LMO4: variants seen among roughly 807,000 people sequenced by gnomAD.
LMO4 encodes LIM domain transcription factor LMO4.
LMO4 carries 3 observed loss-of-function variants against 18.5 expected under a neutral mutation model. That is an observed-to-expected ratio of 0.16 (90% confidence interval 0.07 to 0.42). LMO4 has a LOEUF of 0.42. LMO4 is among the 10% of genes least tolerant of loss of function. The pLI is 0.99. For synonymous variants in LMO4, 100 were observed against 88.1 expected (o/e 1.14, Z -0.76); for missense variants, 121 against 219.9 (o/e 0.55, Z 2.84).
At chr1:87,342,963 C>T (rs528243413) in intron 4 of LMO4, among the ~76,000 whole-genome samples, 3 of 152,166 alleles carry the variant, frequency 2.0e-5, no homozygotes, top group Non-Finnish European at 4.4e-5. Context: ...TTTCTCCTCT[C>T]TCGTTCTCCA....
At chr1:87,332,830 A>C (rs1650195386) in intron 2 of LMO4, among the ~76,000 whole-genome samples, 1 of 152,246 alleles carries the variant, frequency 6.6e-6, no homozygotes, top group Non-Finnish European at 1.5e-5. Flanking sequence ...TATAGAGAAA[A>C]AAAAAGTCCC....
intron 4 of LMO4, among the ~76,000 whole-genome samples, chr1:87,340,415 T>C (rs1369456441): frequency 2.0e-5 from 3 of 152,238 alleles, no homozygotes; most frequent in Non-Finnish European, 4.4e-5. Context: ...GACTTTGTTA[T>C]ATCTGTAGCT....
At chr1:87,331,117 T>G (rs982758074) in intron 1 of LMO4, 2 of 125,348 alleles carry the variant, frequency 1.6e-5, no homozygotes, top group African/African-American at 6.2e-5. Flanking sequence ...TTTAAATTGC[T>G]GATCAAGGGC....
In LMO4 at chr1:87,345,444, C is replaced by T. The variant is rs1650599894; in HGVS notation, c.*648C>T. 1 of 151,238 alleles carries T rather than the reference C, an allele frequency of 6.6e-6. No homozygotes were observed. Among genetic ancestry groups the T allele is most frequent in the African/African-American group, 2.4e-5 (1 of 41,106 alleles). The allele number at this position is 151,238 out of a possible 1,614,324, so 9.4% of individuals were successfully genotyped here. On this transcript the variant is annotated 3_prime_UTR_variant, in exon 5 of 5. Transcript: ENST00000370544. ...TTGGAAAAAAAAATCAGGCTCATAG[C>T]AGCTACTGTGTAGAAAATTCCCCCT...
At chr1:87,330,635 C>T (rs544997507) in intron 1 of LMO4, among the ~76,000 whole-genome samples, 1 of 152,218 alleles carries the variant, frequency 6.6e-6, no homozygotes, top group Non-Finnish European at 1.5e-5. Flanking sequence ...TTCGTTCCTT[C>T]CTCGTTTTTT....
At chr1:87,339,362 C>T (rs1325643190) in intron 2 of LMO4, among the ~76,000 whole-genome samples, 174 bp from the exon 3 acceptor site, 1 of 152,140 alleles carries the variant, frequency 6.6e-6, no homozygotes, top group Non-Finnish European at 1.5e-5. Flanking sequence ...TGTTGTCCCA[C>T]AAAAAGGATT....
intron 2 of LMO4, among the ~76,000 whole-genome samples, chr1:87,335,553 T>A (rs1650283968): frequency 6.7e-6 from 1 of 149,622 alleles, no homozygotes; most frequent in Non-Finnish European, 1.5e-5. Flanking sequence ...GCAGCCGCAG[T>A]GAGCCCGGCG....
chr1:87,340,937 C>G, intron 4 of LMO4, among the ~76,000 whole-genome samples: 1 of 152,132 alleles, frequency 6.6e-6, no homozygotes, highest in East Asian at 1.9e-4. Flanking sequence ...AGAAGATATT[C>G]CAGAGGGAAA....
intron 4 of LMO4, among the ~76,000 whole-genome samples, chr1:87,344,385 A>G (rs1650572806): frequency 6.6e-6 from 1 of 152,236 alleles, no homozygotes; most frequent in Non-Finnish European, 1.5e-5. Context: ...TTACACGGTT[A>G]AGCATATGAA....
At chr1:87,333,963 CAAAA>C (rs1007625733) in intron 2 of LMO4, among the ~76,000 whole-genome samples, 1 of 149,322 alleles carries the variant, frequency 6.7e-6, no homozygotes, top group Non-Finnish European at 1.5e-5. Flanking sequence ...AAACAAAAAA[CAAAA>C]AAAACCCTCG....
intron 1 of LMO4, 130 bp from the exon 2 acceptor site, chr1:87,331,883 G>T (rs566135382): frequency 2.0e-5 from 14 of 717,238 alleles, no homozygotes; most frequent in Admixed American, 1.5e-4. Context: ...TCCCGCCCTT[G>T]CCCTGCTGTT....
At position 87,332,093 on chromosome 1, in the gene LMO4, C is replaced by G; in HGVS notation, c.78C>G (p.Cys26Trp). The stretch of plus-strand genomic sequence containing the variant: ...TCTCCTGGAAGCGGTGCGCAGGCTG[C>G]GGGGGCAAGATTGCGGACCGCTTTC... Reference protein sequence around the residue: ...GSLSWKRCAGCGGKIADRFLL... With the variant: ...GSLSWKRCAGWGGKIADRFLL... The change falls in exon 2 of 5, where the codon TGC becomes TGG. Residue 26 changes from cysteine (C) to tryptophan (W), a missense_variant. Cys to Trp is a radical substitution (Grantham distance 215). This residue lies in a region of LMO4 where 51 missense variants were observed against 56.8 expected (regional missense o/e 0.90). Transcript: ENST00000370544. The G allele has an allele frequency of 6.2e-7, 1 of 1,613,932 alleles. No individual in the cohort carries two copies. The highest frequency in any genetic ancestry group is 8.5e-7 in the Non-Finnish European group (1 of 1,180,030).
intron 1 of LMO4, among the ~76,000 whole-genome samples, chr1:87,329,513 A>AG (rs1650068092): frequency 8.1e-6 from 1 of 123,316 alleles, no homozygotes; most frequent in South Asian, 2.7e-4. Flanking sequence ...GGGACCGTAG[A>AG]GGGGGTGGGG....
intron 1 of LMO4, chr1:87,331,237 CATTG>C (rs1650135733): frequency 6.6e-6 from 1 of 152,112 alleles, no homozygotes; most frequent in South Asian, 2.1e-4. Context: ...AGAAAACACT[CATTG>C]ATCTTCAAAA....
rs201656413 is a variant in LMO4, at chr1:87,339,615, A to C, written c.316A>C (p.Asn106His). 2.7e-5 allele frequency: 44 copies of C among 1,611,584 alleles called. No homozygotes were observed. The highest frequency in any genetic ancestry group is 3.4e-5 in the Non-Finnish European group (40 of 1,177,754). ...TGAACTCGTCATGAGGGCGCAAGGCAATGTGTATCATCTTAAGGTAGTATT... is the reference window on the plus strand; with the variant it reads ...TGAACTCGTCATGAGGGCGCAAGGCCATGTGTATCATCTTAAGGTAGTATT... ...ASELVMRAQG[N>H]VYHLKCFTCS... The change falls in exon 3 of 5, where the codon AAT becomes CAT. Residue 106 changes from asparagine (N) to histidine (H), a missense_variant. By Grantham distance (68) the Asn-to-His change is moderately conservative. Transcript: ENST00000370544.
chr1:87,340,976 C>T (rs1268050159), intron 4 of LMO4, among the ~76,000 whole-genome samples: 4 of 152,198 alleles, frequency 2.6e-5, no homozygotes, highest in African/African-American at 9.6e-5. Context: ...TCCAGCACCC[C>T]CAGTACTGGA....
intron 1 of LMO4, among the ~76,000 whole-genome samples, chr1:87,330,448 A>G (rs1650101739): frequency 6.6e-6 from 1 of 152,206 alleles, no homozygotes; most frequent in Admixed American, 6.5e-5. Flanking sequence ...CATTCGGATA[A>G]ATGCAATGCT....
chr1:87,332,266 T>C lies in LMO4; in HGVS notation c.236+15T>C, dbSNP rs774128121. On this transcript the variant is annotated intron_variant, in intron 2 of 4. Coordinates refer to ENST00000370544, the MANE Select transcript of LMO4 (RefSeq NM_006769.4). The stretch of plus-strand genomic sequence containing the variant: ...GACTACATTAGGTAAGACTTTGCTG[T>C]CTTTCCTGGAGATGGGGGGAAGAGC... 1.0e-5 allele frequency: 16 copies of C among 1,594,764 alleles called. No homozygotes were observed. The Admixed American group carries it at 2.7e-4, about 27-fold the overall frequency.
chr1:87,335,218 T>G (rs1359526909), intron 2 of LMO4, among the ~76,000 whole-genome samples: 1 of 152,098 alleles, frequency 6.6e-6, no homozygotes, highest in Non-Finnish European at 1.5e-5. Context: ...TTTCTCTTCC[T>G]CGAACCGTCT....
Sources: allele counts gnomAD v4.1 joint callset (sites outside exome capture counted in the v4.1 genomes callset), GRCh38; gene constraint gnomAD v4.1.1; regional missense constraint gnomAD v4.1.1; transcripts MANE v1.5; gene names NCBI Gene and HGNC (gene_info 2026-07-23, HGNC 2026-07-21).